The following GALNT16 variants were observed in gnomAD, a reference collection of about 807,000 sequenced individuals.
GALNT16 encodes polypeptide N-acetylgalactosaminyltransferase 16.
Under a neutral mutation model 76.1 loss-of-function variants are expected in GALNT16, and 40 were observed. That is an observed-to-expected ratio of 0.53 (90% confidence interval 0.41 to 0.68). The LOEUF (loss-of-function observed/expected upper bound fraction) is 0.68. GALNT16 is among the 30% of genes least tolerant of loss of function. The pLI is 0.00. For missense variants in GALNT16, 621 were observed against 731.9 expected (o/e 0.85, Z 1.75); for synonymous variants, 276 against 285.2 (o/e 0.97, Z 0.32).
At chr14:69,296,823 A>AGATG (rs1259362508) in intron 1 of GALNT16, among the ~76,000 whole-genome samples, 1 of 151,078 alleles carries the variant, frequency 6.6e-6, no homozygotes, top group African/African-American at 2.4e-5. Context: ...ATAGATAGAT[A>AGATG]GATAGATAGA....
At chr14:69,314,454 T>G (rs1363395232) in intron 1 of GALNT16, among the ~76,000 whole-genome samples, 1 of 152,240 alleles carries the variant, frequency 6.6e-6, no homozygotes, top group African/African-American at 2.4e-5. Flanking sequence ...GGGACATGTC[T>G]GGAGCAGACT....
chr14:69,286,837 C>G (rs1424209736), intron 1 of GALNT16, among the ~76,000 whole-genome samples: 3 of 152,108 alleles, frequency 2.0e-5, no homozygotes, highest in Admixed American at 6.5e-5. Flanking sequence ...ACAACTCTTT[C>G]AACTTCTCAG....
intron 2 of GALNT16, among the ~76,000 whole-genome samples, chr14:69,324,247 T>G (rs1147468): frequency 0.77 from 116,688 of 151,888 alleles, 45,747 homozygotes; most frequent in East Asian, 1. Context: ...CTCTGCAGAT[T>G]CTACCAAATG....
intron 1 of GALNT16, among the ~76,000 whole-genome samples, chr14:69,320,394 C>T (rs965103413): frequency 7.2e-5 from 11 of 151,744 alleles, no homozygotes; most frequent in African/African-American, 2.2e-4. Flanking sequence ...ACTTGGGAGG[C>T]TGAGACAGGA....
At chr14:69,294,273 C>A (rs990637334) in intron 1 of GALNT16, among the ~76,000 whole-genome samples, 1 of 152,100 alleles carries the variant, frequency 6.6e-6, no homozygotes, top group Non-Finnish European at 1.5e-5. Flanking sequence ...AGGTGCGTGC[C>A]ACTGCGCCTG....
chr14:69,301,442 C>G (rs1366826872), intron 1 of GALNT16, among the ~76,000 whole-genome samples: 1 of 152,148 alleles, frequency 6.6e-6, no homozygotes, highest in Admixed American at 6.5e-5. Context: ...CACCCTCCAC[C>G]TCCTGGGTTC....
chr14:69,323,033 T>C (rs2045226291), intron 2 of GALNT16, among the ~76,000 whole-genome samples: 1 of 146,308 alleles, frequency 6.8e-6, no homozygotes, highest in African/African-American at 2.6e-5. Context: ...AAGGACGTGC[T>C]GGCTTTAGTG....
chr14:69,263,953 G>C (rs1402041916), intron 1 of GALNT16, among the ~76,000 whole-genome samples: 2 of 152,222 alleles, frequency 1.3e-5, no homozygotes, highest in Admixed American at 6.5e-5. Flanking sequence ...TGCACGCTGG[G>C]ACAGGACAGC....
the GALNT16 span, among the ~76,000 whole-genome samples, chr14:69,365,975 C>T: frequency 6.6e-6 from 1 of 152,084 alleles, no homozygotes; most frequent in Non-Finnish European, 1.5e-5. Flanking sequence ...AAGTTTATTC[C>T]AAGATAGTAA....
Position 69,260,474 on chromosome 14 carries a change from A to G in GALNT16, c.177+7A>G. ...CCGCACCATCCCGCTCATTGTGAGT[A>G]CGCCCCGAGCGTCGGCCGGCCGGCT... On this transcript the variant is annotated splice_region_variant and intron_variant, in intron 1 of 14. Coordinates refer to ENST00000448469, the MANE Select transcript of GALNT16 (RefSeq NM_001168368.2). 1 of 1,409,934 alleles carries G rather than the reference A, an allele frequency of 7.1e-7. No individual in the cohort carries two copies. The allele number at this position is 1,409,934 out of a possible 1,614,324, so 87.3% of individuals were successfully genotyped here.
At chr14:69,297,721 A>G (rs1034220312) in intron 1 of GALNT16, among the ~76,000 whole-genome samples, 1 of 151,508 alleles carries the variant, frequency 6.6e-6, no homozygotes, top group African/African-American at 2.4e-5. Flanking sequence ...ATAATACCAT[A>G]TTGTAGATCA....
chr14:69,373,810 C>G, the GALNT16 span, among the ~76,000 whole-genome samples: 1 of 152,000 alleles, frequency 6.6e-6, no homozygotes, highest in South Asian at 2.1e-4. Flanking sequence ...GGGTCTCAAT[C>G]TGTTGCCCAG....
rs2044923951 is a variant in GALNT16, at chr14:69,305,753, G to A, written c.178-14958G>A. On this transcript the variant is annotated intron_variant, in intron 1 of 14. Coordinates refer to ENST00000448469, the MANE Select transcript of GALNT16 (RefSeq NM_001168368.2). ...TGTTGATTGTGTCCGTTGCTGTGCAGAAGCTTTTTTAGTTAGATTTAATCC... is the reference window on the plus strand; with the variant it reads ...TGTTGATTGTGTCCGTTGCTGTGCAAAAGCTTTTTTAGTTAGATTTAATCC... Among the ~76,000 whole-genome samples the A allele has an allele frequency of 2.6e-5, 4 of 152,116 alleles. 1 individual carries two copies. The South Asian group carries it at 8.3e-4, about 31-fold the overall frequency.
the GALNT16 span, among the ~76,000 whole-genome samples, chr14:69,374,756 T>C: frequency 2.0e-5 from 3 of 152,156 alleles, no homozygotes; most frequent in African/African-American, 7.2e-5. Flanking sequence ...TTATAAACAA[T>C]AGGAACTTAT....
At chr14:69,265,264 C>T (rs2044328484) in intron 1 of GALNT16, among the ~76,000 whole-genome samples, 1 of 152,186 alleles carries the variant, frequency 6.6e-6, no homozygotes, top group South Asian at 2.1e-4. Context: ...GAGTTACCTT[C>T]CTGGAAGGCC....
At position 69,328,445 on chromosome 14, in the gene GALNT16, T is replaced by C. The variant is rs139971588; in HGVS notation, c.569-5T>C. The C allele has an allele frequency of 2.0e-4, 316 of 1,613,604 alleles. 2 individuals are homozygous for C. The African/African-American group carries it at 3.7e-3, about 19-fold the overall frequency. On this transcript the variant is annotated splice_polypyrimidine_tract_variant and splice_region_variant and intron_variant, in intron 5 of 14. Transcript: ENST00000448469. ...AGCGCCAAGCCCTATCTACTCCTCT[T>C]GTAGGGCTGATCCGGTCCCGAGTGC...
In GALNT16 at chr14:69,316,766, G is replaced by A. The variant is rs549843822; in HGVS notation, c.178-3945G>A. ...CAGGCCATTGTGAGCTTGGGGGCTT[G>A]TAGTCTGTGAGGGGGGGGGGCACTG... On this transcript the variant is annotated intron_variant, in intron 1 of 14. Transcript: ENST00000448469. Among the ~76,000 whole-genome samples the A allele has an allele frequency of 1.1e-4, 10 of 93,238 alleles. No homozygotes were observed. The South Asian group carries it at 2.9e-3, about 27-fold the overall frequency. The allele number at this position is 93,238 out of a possible 152,430, so 61.2% of individuals were successfully genotyped here. A position where few individuals can be genotyped will look rare whatever the true frequency, so the allele number is the denominator to read the frequency against.
At chr14:69,270,066 A>G (rs1048877375) in intron 1 of GALNT16, among the ~76,000 whole-genome samples, 3 of 151,962 alleles carry the variant, frequency 2.0e-5, no homozygotes, top group Non-Finnish European at 4.4e-5. Context: ...CTTCTGGTAC[A>G]GTTGGGACTC....
At chr14:69,351,918 T>C in intron 14 of GALNT16, 113 bp from the exon 15 acceptor site, 4 of 955,684 alleles carry the variant, frequency 4.2e-6, no homozygotes, top group Non-Finnish European at 6.3e-6. Context: ...GAGGGGGATG[T>C]GTCCTAGTTA....
Sources: allele counts gnomAD v4.1 joint callset (sites outside exome capture counted in the v4.1 genomes callset), GRCh38; gene constraint gnomAD v4.1.1; transcripts MANE v1.5; gene names NCBI Gene and HGNC (gene_info 2026-07-23, HGNC 2026-07-21).